Variants in SPOCK1 observed in about 807,000 individuals in gnomAD.
The protein encoded by SPOCK1 is SPARC (osteonectin), cwcv and kazal like domains proteoglycan 1.
In SPOCK1, 23 loss-of-function variants were observed where a neutral mutation model predicts 55.3. That is an observed-to-expected ratio of 0.42 (90% CI 0.30 to 0.59). The LOEUF (loss-of-function observed/expected upper bound fraction) is 0.59, where lower values mean the gene tolerates loss of function less well. Ranked by LOEUF, SPOCK1 falls within the 20% of genes least tolerant of loss-of-function variation. The pLI, the probability that SPOCK1 is intolerant of heterozygous loss-of-function variation, is 0.22. For synonymous variants in SPOCK1, 226 were observed against 221.0 expected, an observed-to-expected ratio of 1.02 and a Z score of -0.20; for missense variants, 499 against 552.5, an observed-to-expected ratio of 0.90 and a Z score of 0.97.
intron 3 of SPOCK1, among the ~76,000 whole-genome samples, chr5:137,239,409 G>C (rs912266822): frequency 2.6e-5 from 4 of 152,206 alleles, no homozygotes; most frequent in Non-Finnish European, 5.9e-5. Context: ...ATTTACCTGT[G>C]TTTTAAGTAT....
chr5:137,107,681 C>T (rs1393005049), intron 5 of SPOCK1, among the ~76,000 whole-genome samples: 1 of 152,134 alleles, frequency 6.6e-6, no homozygotes, highest in Non-Finnish European at 1.5e-5. Context: ...ACAAAGACTC[C>T]ACAATGCATC....
rs187528188 is a variant in SPOCK1 at position 137,255,191 on chromosome 5, G to A, written c.232+11819C>T. On this transcript the variant is annotated intron_variant, in intron 3 of 10. Transcript: ENST00000394945. ...GGGGTATTCACTGCTAGATACTGGC[G>A]GGAACACGGGCCACCCTGACAAACC... Among the ~76,000 whole-genome samples, 297 of 152,284 alleles carry A rather than the reference G, an allele frequency of 2.0e-3. 3 individuals are homozygous for A. Among genetic ancestry groups the A allele is most frequent in the African/African-American group, 6.7e-3 (279 of 41,538 alleles).
rs947630585 is a variant in SPOCK1 at position 137,273,323 on chromosome 5, T to C, written c.187-6268A>G. ...TTTAGAATGAAATTTACATTTTATTTGGCAACTACTTTAATGCTATGTCTA... is the reference window on the plus strand; with the variant it reads ...TTTAGAATGAAATTTACATTTTATTCGGCAACTACTTTAATGCTATGTCTA... On this transcript the variant is annotated intron_variant, in intron 2 of 10. Transcript: ENST00000394945. 11 of 955,558 alleles carry C rather than the reference T, an allele frequency of 1.2e-5. No homozygotes were observed. The South Asian group carries it at 4.3e-4, about 38-fold the overall frequency. The allele number at this position is 955,558 out of a possible 1,614,324, so 59.2% of individuals were successfully genotyped here.
intron 6 of SPOCK1, among the ~76,000 whole-genome samples, chr5:137,032,183 G>C (rs1384649203): frequency 6.6e-6 from 1 of 151,962 alleles, no homozygotes; most frequent in Non-Finnish European, 1.5e-5. Context: ...CAGGAGCTCA[G>C]TACACGTTTG....
At chr5:137,324,532 T>C (rs1561504858) in intron 2 of SPOCK1, among the ~76,000 whole-genome samples, 2 of 152,142 alleles carry the variant, frequency 1.3e-5, no homozygotes, top group South Asian at 2.1e-4. Flanking sequence ...AAAGAGGAGA[T>C]ACTGCATCAT....
At chr5:137,453,051 A>G (rs903212268) in intron 2 of SPOCK1, among the ~76,000 whole-genome samples, 9 of 152,184 alleles carry the variant, frequency 5.9e-5, no homozygotes, top group Non-Finnish European at 1.2e-4. Context: ...GTCTTTTTCC[A>G]CTTTATCATG....
chr5:137,347,329 A>G (rs566481236), intron 2 of SPOCK1, among the ~76,000 whole-genome samples: 1 of 152,274 alleles, frequency 6.6e-6, no homozygotes, highest in South Asian at 2.1e-4. Flanking sequence ...AACAGGGTGT[A>G]ATTTCTCACG....
At chr5:137,476,587 A>G (rs1753841772) in intron 2 of SPOCK1, among the ~76,000 whole-genome samples, 2 of 152,136 alleles carry the variant, frequency 1.3e-5, no homozygotes, top group Admixed American at 1.3e-4. Flanking sequence ...TCTCAGGCTG[A>G]GTGGGGCAGG....
intron 2 of SPOCK1, among the ~76,000 whole-genome samples, chr5:137,324,710 C>T (rs1758044304): frequency 6.6e-6 from 1 of 151,608 alleles, no homozygotes; most frequent in African/African-American, 2.4e-5. Context: ...CAACAATATG[C>T]ATATAATAAC....
At chr5:137,222,405 T>C (rs1755872880) in intron 3 of SPOCK1, among the ~76,000 whole-genome samples, 2 of 152,184 alleles carry the variant, frequency 1.3e-5, no homozygotes, top group African/African-American at 4.8e-5. Flanking sequence ...TTTAGTAAAT[T>C]TGTACATTTG....
chr5:137,290,111 T>C (rs1757344131), intron 2 of SPOCK1, among the ~76,000 whole-genome samples: 1 of 152,062 alleles, frequency 6.6e-6, no homozygotes, highest in South Asian at 2.1e-4. Context: ...TTTTACCCAA[T>C]GGAAATGAGT....
chr5:137,024,837 T>C (rs1751640752), intron 6 of SPOCK1, among the ~76,000 whole-genome samples: 1 of 152,030 alleles, frequency 6.6e-6, no homozygotes, highest in South Asian at 2.1e-4. Flanking sequence ...GTTCACAAGA[T>C]CCAAGATGTG....
At chr5:137,335,586 G>T (rs1351241554) in intron 2 of SPOCK1, among the ~76,000 whole-genome samples, 4 of 152,146 alleles carry the variant, frequency 2.6e-5, no homozygotes, top group Non-Finnish European at 5.9e-5. Flanking sequence ...CACTGCTTAC[G>T]GCCTCTGCAA....
rs117540890 is a variant in SPOCK1 at position 136,991,106 on chromosome 5, A to G, written c.706+1378T>C. 3.6e-3 allele frequency among the ~76,000 whole-genome samples: 553 copies of G among 152,204 alleles called. 10 individuals carry two copies. The East Asian group carries it at 0.05, about 14-fold the overall frequency. ...ACCTAAAAGCCTCTTAGGGGACTCA[A>G]TTTGCTTTTGGGCAAAGGCAGGTCT... is the stretch of plus-strand genomic sequence containing the variant. On this transcript the variant is annotated intron_variant, in intron 7 of 10. Transcript: ENST00000394945.
chr5:137,445,944 C>A (rs1753118664), intron 2 of SPOCK1, among the ~76,000 whole-genome samples: 2 of 152,130 alleles, frequency 1.3e-5, no homozygotes, highest in South Asian at 4.1e-4. Context: ...AAATAGAGCA[C>A]AAAATACAAA....
At chr5:137,171,583 T>A (rs922299609) in intron 3 of SPOCK1, among the ~76,000 whole-genome samples, 4 of 152,158 alleles carry the variant, frequency 2.6e-5, no homozygotes, top group African/African-American at 9.7e-5. Context: ...AAACCATTTA[T>A]ATGTAGATAT....
intron 6 of SPOCK1, among the ~76,000 whole-genome samples, chr5:137,057,232 C>A (rs1364172990): frequency 6.6e-6 from 1 of 151,942 alleles, no homozygotes; most frequent in Non-Finnish European, 1.5e-5. Context: ...TTAGAGGTGA[C>A]CTTTCTGGGA....
chr5:137,447,504 T>C lies in SPOCK1; in HGVS notation c.186+50869A>G, dbSNP rs1272999101. Among the ~76,000 whole-genome samples, 3 of 152,112 alleles carry C rather than the reference T, an allele frequency of 2.0e-5. No homozygotes were observed. The South Asian group carries it at 6.2e-4, about 32-fold the overall frequency. Reference sequence around the variant, plus strand: ...ACTGTGACAAAAAGCTACTGGCAAATCAGAAGTGTTTTGAAATAAATCGGT... The same window carrying C: ...ACTGTGACAAAAAGCTACTGGCAAACCAGAAGTGTTTTGAAATAAATCGGT... On this transcript the variant is annotated intron_variant, in intron 2 of 10. Coordinates refer to ENST00000394945, the MANE Select transcript of SPOCK1 (RefSeq NM_004598.4).
chr5:137,009,650 C>T (rs1751314451), intron 6 of SPOCK1, among the ~76,000 whole-genome samples: 2 of 152,124 alleles, frequency 1.3e-5, no homozygotes, highest in Non-Finnish European at 2.9e-5. Context: ...ACAGTTTGCA[C>T]CAATCCATCT....
Sources: allele counts gnomAD v4.1 joint callset (sites outside exome capture counted in the v4.1 genomes callset), GRCh38; gene constraint gnomAD v4.1.1; transcripts MANE v1.5; gene names NCBI Gene and HGNC (gene_info 2026-07-23, HGNC 2026-07-21).